Variants in PPFIA2 observed in about 807,000 individuals in gnomAD.
PPFIA2 encodes the protein PPFI scaffold protein A2.
PPFIA2 carries 46 observed loss-of-function variants against 175.5 expected under a neutral mutation model. The observed-to-expected ratio is 0.26, with a 90% CI of 0.21 to 0.34. The LOEUF (loss-of-function observed/expected upper bound fraction) is 0.34. Ranked by LOEUF, PPFIA2 falls within the 10% of genes least tolerant of loss-of-function variation. PPFIA2 has a pLI of 1.00. For missense variants in PPFIA2, 1,179 were observed against 1,506.1 expected (o/e 0.78, Z 3.60); for synonymous variants, 568 against 511.4 (o/e 1.11, Z -1.49).
At chr12:81,367,790 T>G (rs2141417668) in intron 13 of PPFIA2, among the ~76,000 whole-genome samples, 1 of 151,772 alleles carries the variant, frequency 6.6e-6, no homozygotes, top group Admixed American at 6.6e-5. Context: ...TGTTAAAAAT[T>G]ATTTATTTTT....
intron 14 of PPFIA2, among the ~76,000 whole-genome samples, chr12:81,366,854 G>T (rs1177746421): frequency 6.6e-6 from 1 of 151,666 alleles, no homozygotes; most frequent in Non-Finnish European, 1.5e-5. Context: ...ATCCTTTAAT[G>T]GAAGAGTATG....
chr12:81,692,109 G>GACAC (rs71098161), intron 3 of PPFIA2, among the ~76,000 whole-genome samples: 62,499 of 149,176 alleles, frequency 0.42, 14,551 homozygotes, highest in African/African-American at 0.64. Flanking sequence ...CACAAACACA[G>GACAC]ACACACACAC....
At chr12:81,626,609 G>A (rs911856019) in intron 4 of PPFIA2, among the ~76,000 whole-genome samples, 5 of 151,976 alleles carry the variant, frequency 3.3e-5, no homozygotes, top group African/African-American at 9.7e-5. Flanking sequence ...TAATAAAACT[G>A]GAATTGTGTG....
chr12:81,642,941 T>C (rs541550447), intron 4 of PPFIA2, among the ~76,000 whole-genome samples: 1 of 139,204 alleles, frequency 7.2e-6, no homozygotes, highest in South Asian at 2.3e-4. Flanking sequence ...ATAACATATG[T>C]AATAATATAT....
rs34187367 is a variant in PPFIA2 at position 81,347,683 on chromosome 12, A to G, written c.2082T>C (p.Asn694=). The G allele has an allele frequency of 3.0e-3, 4,782 of 1,613,802 alleles. 121 individuals carry two copies. The African/African-American group carries it at 0.057, about 19-fold the overall frequency. ...AGGTACCTGGGTGGACCCTTGCCAA[A>G]TTCAGGCCTTCGAGGCTCACACTAG... ...RVASVSLEGL[N]LARVHPGTSI... The change falls in exon 18 of 33, where the codon AAT becomes AAC. Residue 694 remains asparagine (N), a synonymous_variant. Coordinates refer to ENST00000549396, the MANE Select transcript of PPFIA2 (RefSeq NM_003625.5).
chr12:81,701,732 A>G (rs1567920492), intron 3 of PPFIA2, among the ~76,000 whole-genome samples: 1 of 152,102 alleles, frequency 6.6e-6, no homozygotes. Flanking sequence ...ATATTCTACT[A>G]TTCTTTCTGT....
chr12:81,622,735 C>A (rs945801752), intron 4 of PPFIA2, among the ~76,000 whole-genome samples: 2 of 152,094 alleles, frequency 1.3e-5, no homozygotes, highest in African/African-American at 4.8e-5. Flanking sequence ...AAAACCTGAA[C>A]CCAACAGAAT....
intron 19 of PPFIA2, among the ~76,000 whole-genome samples, chr12:81,341,811 C>A (rs1017546446): frequency 3.9e-5 from 6 of 152,058 alleles, no homozygotes; most frequent in Admixed American, 1.3e-4. Flanking sequence ...GAACAATTCA[C>A]TAACATATAG....
intron 8 of PPFIA2, among the ~76,000 whole-genome samples, chr12:81,394,766 T>G (rs907089723): frequency 1.3e-5 from 2 of 151,116 alleles, no homozygotes; most frequent in African/African-American, 4.9e-5. Context: ...CACATGTATA[T>G]CTATGTAACA....
At chr12:81,345,658 A>C (rs1395474205) in intron 18 of PPFIA2, among the ~76,000 whole-genome samples, 1 of 152,196 alleles carries the variant, frequency 6.6e-6, no homozygotes, top group African/African-American at 2.4e-5. Flanking sequence ...AAAATAATCA[A>C]AGTATTCCTG....
At chr12:81,671,270 C>T (rs2071358179) in intron 4 of PPFIA2, among the ~76,000 whole-genome samples, 1 of 151,950 alleles carries the variant, frequency 6.6e-6, no homozygotes, top group Non-Finnish European at 1.5e-5. Context: ...TTCCAAACAA[C>T]CACCTATTCT....
intron 24 of PPFIA2, among the ~76,000 whole-genome samples, chr12:81,286,051 G>A (rs924050278): frequency 1.3e-5 from 2 of 151,914 alleles, no homozygotes; most frequent in Admixed American, 6.6e-5. Context: ...TGATTTTTGT[G>A]TTTGTGTCTT....
At chr12:81,686,282 T>C (rs1257685236) in intron 3 of PPFIA2, among the ~76,000 whole-genome samples, 1 of 152,086 alleles carries the variant, frequency 6.6e-6, no homozygotes, top group Non-Finnish European at 1.5e-5. Context: ...ACATCAGATT[T>C]AGCCAAAAAG....
chr12:81,356,579 C>A (rs190564565), intron 16 of PPFIA2, among the ~76,000 whole-genome samples: 264 of 152,114 alleles, frequency 1.7e-3, no homozygotes, highest in African/African-American at 6.0e-3. Context: ...GGGAGGATTG[C>A]TTGAGCTCAG....
intron 4 of PPFIA2, among the ~76,000 whole-genome samples, chr12:81,501,298 C>T (rs1157942485): frequency 6.6e-6 from 1 of 152,172 alleles, no homozygotes; most frequent in East Asian, 1.9e-4. Context: ...GTTATTCCCT[C>T]ACCTCAGTCA....
intron 29 of PPFIA2, 117 bp from the exon 30 acceptor site, chr12:81,267,137 GT>G: frequency 4.2e-6 from 3 of 718,616 alleles, no homozygotes; most frequent in Non-Finnish European, 6.8e-6. Context: ...GGGTTTTGAA[GT>G]TTTTAGCCCT....
At chr12:81,623,567 G>A (rs1041283703) in intron 4 of PPFIA2, among the ~76,000 whole-genome samples, 6 of 151,968 alleles carry the variant, frequency 3.9e-5, no homozygotes, top group Non-Finnish European at 7.4e-5. Flanking sequence ...CTTACATTTA[G>A]AGTGTAGGAC....
intron 4 of PPFIA2, among the ~76,000 whole-genome samples, chr12:81,579,209 T>C (rs1391080061): frequency 1.3e-5 from 2 of 151,780 alleles, no homozygotes; most frequent in African/African-American, 2.4e-5. Flanking sequence ...TATTGAGATG[T>C]AGCTAAAGGT....
chr12:81,636,263 A>ATTTT (rs147916617), intron 4 of PPFIA2, among the ~76,000 whole-genome samples: 115 of 117,342 alleles, frequency 9.8e-4, no homozygotes, highest in African/African-American at 2.8e-3. Context: ...TAACTCTCTG[A>ATTTT]TTTTTTTTTT....
Sources: allele counts gnomAD v4.1 joint callset (sites outside exome capture counted in the v4.1 genomes callset), GRCh38; gene constraint gnomAD v4.1.1; transcripts MANE v1.5; gene names NCBI Gene and HGNC (gene_info 2026-07-23, HGNC 2026-07-21).